Variants in ZNF141 observed in about 807,000 individuals in gnomAD.
ZNF141 encodes the protein zinc finger protein 141.
A neutral mutation model predicts 11.3 loss-of-function variants in ZNF141; 7 were observed. The ratio of observed to expected loss-of-function variants is 0.62; its 90% CI spans 0.35 to 1.16. The LOEUF (loss-of-function observed/expected upper bound fraction) is 1.16, where lower values mean the gene tolerates loss of function less well. Ranked by LOEUF, ZNF141 falls within the 50% of genes most tolerant of loss-of-function variation. ZNF141 has a pLI of 0.02. For synonymous variants in ZNF141, 183 were observed against 190.7 expected (o/e 0.96, Z 0.33); for missense variants, 535 against 554.0 (o/e 0.97, Z 0.34).
chr4:343,451 C>T (rs1354022351), intron 1 of ZNF141, among the ~76,000 whole-genome samples: 9 of 152,122 alleles, frequency 5.9e-5, no homozygotes, highest in African/African-American at 9.7e-5. Context: ...TTCGGCTGGG[C>T]GCAGTGGCTC....
At chr4:367,519 CTT>C (rs782804343) in intron 3 of ZNF141, among the ~76,000 whole-genome samples, 44 of 140,872 alleles carry the variant, frequency 3.1e-4, no homozygotes, top group Admixed American at 7.2e-4. Context: ...ACTTTACAAT[CTT>C]TTTTTTTTTT....
intron 1 of ZNF141, 160 bp downstream of exon 1, chr4:338,146 C>G (rs908431104): frequency 1.8e-5 from 16 of 896,072 alleles, no homozygotes; most frequent in Non-Finnish European, 2.6e-5. Context: ...CTGTCGGTCC[C>G]CGCACAGCGG....
At chr4:356,472 C>T (rs1054228882) in intron 3 of ZNF141, among the ~76,000 whole-genome samples, 7 of 151,632 alleles carry the variant, frequency 4.6e-5, no homozygotes. Context: ...ACTACAGGCG[C>T]GTGCCACCAC....
rs561091110 is a variant in ZNF141, at chr4:367,642, G to T, written c.227-5022G>T. Among the ~76,000 whole-genome samples, 3 of 151,610 alleles carry T rather than the reference G, an allele frequency of 2.0e-5. No homozygotes were observed. The South Asian group carries it at 6.3e-4, about 32-fold the overall frequency. On this transcript the variant is annotated intron_variant, in intron 3 of 3. Transcript: ENST00000240499. ...AGCGATTCTTCTGCCTCAGCCTCCTGAGTAGCTGGGATTACAGGTGCGCAC... is the reference window on the plus strand; with the variant it reads ...AGCGATTCTTCTGCCTCAGCCTCCTTAGTAGCTGGGATTACAGGTGCGCAC...
intron 3 of ZNF141, among the ~76,000 whole-genome samples, chr4:353,968 C>G (rs1440626840): frequency 6.6e-6 from 1 of 152,206 alleles, no homozygotes; most frequent in Non-Finnish European, 1.5e-5. Context: ...GACAAAGCTT[C>G]ACTCAGGAAT....
rs1224003689 is a variant in ZNF141, at chr4:376,077, CAT to C, written c.*2217_*2218del. Among the ~76,000 whole-genome samples, 1 of 151,968 alleles carries C rather than the reference CAT, an allele frequency of 6.6e-6. No individual in the cohort carries two copies. Among genetic ancestry groups the C allele is most frequent in the African/African-American group, 2.4e-5 (1 of 41,430 alleles). On this transcript the variant is annotated 3_prime_UTR_variant, in exon 4 of 4. Transcript: ENST00000240499. ...AAATTATTTTAAGATTATGTGGGAA[CAT>C]AATTTTTTAACTAAACAAAATTTTT...
At chr4:352,827 G>GT (rs1553850674) in intron 3 of ZNF141, among the ~76,000 whole-genome samples, 3 of 152,108 alleles carry the variant, frequency 2.0e-5, no homozygotes, top group African/African-American at 7.2e-5. Flanking sequence ...TCTGTGAGTA[G>GT]TTTTATCAAA....
intron 3 of ZNF141, among the ~76,000 whole-genome samples, chr4:362,933 A>C (rs1278569253): frequency 2.0e-5 from 3 of 152,192 alleles, no homozygotes; most frequent in Non-Finnish European, 4.4e-5. Flanking sequence ...TGGTAGCTTG[A>C]TGAGGATGGC....
In ZNF141 at chr4:383,279, C is replaced by A; in HGVS notation, c.*9417C>A. On this transcript the variant is annotated 3_prime_UTR_variant, in exon 4 of 4. Transcript: ENST00000240499. ...GCCCAGAAGAATGGCCCGGCTGAGCCCAGCCTAAATTTCTAACCAGCTCAA... is the reference window on the plus strand; with the variant it reads ...GCCCAGAAGAATGGCCCGGCTGAGCACAGCCTAAATTTCTAACCAGCTCAA... The A allele has an allele frequency of 1.6e-6, 1 of 626,538 alleles. No individual in the cohort carries two copies. Among genetic ancestry groups the A allele is most frequent in the Non-Finnish European group, 2.8e-6 (1 of 353,352 alleles). 38.8% of individuals were successfully genotyped at this position (626,538 alleles called of 1,614,324 possible).
At chr4:365,269 C>G (rs1429663618) in intron 3 of ZNF141, among the ~76,000 whole-genome samples, 1 of 152,212 alleles carries the variant, frequency 6.6e-6, no homozygotes, top group Non-Finnish European at 1.5e-5. Flanking sequence ...GGGAAATCCC[C>G]CAACCCCTTG....
intron 1 of ZNF141, 115 bp downstream of exon 1, chr4:338,101 G>T (rs1553847858): frequency 4.1e-6 from 6 of 1,452,792 alleles, no homozygotes; most frequent in Non-Finnish European, 5.7e-6. Flanking sequence ...CTCAGCCCTG[G>T]GGCCTCAGTA....
chr4:337,981 GA>G lies in ZNF141; in HGVS notation c.1del, dbSNP rs781823505. The stretch of plus-strand genomic sequence containing the variant: ...GACTCCCGAATACTTCAGAAGTGGG[GA>G]AATGGTGAGTGTGCGGGGCAGGGCG... On this transcript the variant is annotated 5_prime_UTR_variant, in exon 1 of 4. Coordinates refer to ENST00000240499, the MANE Select transcript of ZNF141 (RefSeq NM_003441.4). The G allele has an allele frequency of 1.9e-6, 3 of 1,613,442 alleles. No homozygotes were observed. The South Asian group carries it at 3.3e-5, about 18-fold the overall frequency.
chr4:352,714 T>A (rs1553850651), intron 3 of ZNF141, among the ~76,000 whole-genome samples: 1 of 152,226 alleles, frequency 6.6e-6, no homozygotes, highest in African/African-American at 2.4e-5. Context: ...CACCTCATCT[T>A]TTCCCCCACT....
Position 382,016 on chromosome 4 carries a change from G to A in ZNF141, c.*8154G>A, listed in dbSNP as rs1303660737. Among the ~76,000 whole-genome samples the A allele has an allele frequency of 6.7e-6, 1 of 148,472 alleles. No homozygotes were observed. The highest frequency in any genetic ancestry group is 1.5e-5 in the Non-Finnish European group (1 of 67,660). Reference sequence around the variant, plus strand: ...GCTGGAGTGCAGTGGCTCGATCTCGGCTCACTGCAAGCTCCACCTCCCAGG... The same window carrying A: ...GCTGGAGTGCAGTGGCTCGATCTCGACTCACTGCAAGCTCCACCTCCCAGG... On this transcript the variant is annotated 3_prime_UTR_variant, in exon 4 of 4. Transcript: ENST00000240499.
rs998690747 is a variant in ZNF141 at position 379,765 on chromosome 4, T to C, written c.*5903T>C. Among the ~76,000 whole-genome samples the C allele has an allele frequency of 1.3e-5, 2 of 152,238 alleles. No individual in the cohort carries two copies. Among genetic ancestry groups the C allele is most frequent in the African/African-American group, 4.8e-5 (2 of 41,460 alleles). On this transcript the variant is annotated 3_prime_UTR_variant, in exon 4 of 4. Transcript: ENST00000240499. ...ACAAAGATACTCATCATTTGCAACA[T>C]TATTCTGTAATTTTTAAAATATATT...
At chr4:359,807 CA>C (rs1221581254) in intron 3 of ZNF141, among the ~76,000 whole-genome samples, 1 of 152,136 alleles carries the variant, frequency 6.6e-6, no homozygotes. Flanking sequence ...AGCCTACATC[CA>C]GGGGCAGAGA....
rs139678664 is a variant in ZNF141 at position 347,120 on chromosome 4, C to T, written c.226+2690C>T. 3.8e-3 allele frequency among the ~76,000 whole-genome samples: 570 copies of T among 151,042 alleles called. 5 individuals carry two copies. The highest frequency in any genetic ancestry group is 0.013 in the African/African-American group (529 of 41,036). Reference sequence around the variant, plus strand: ...TGGCACGCTGTTGGCTCACCACAGCCTCTGGGTCCTGGGTTCAAGCAATTC... The same window carrying T: ...TGGCACGCTGTTGGCTCACCACAGCTTCTGGGTCCTGGGTTCAAGCAATTC... On this transcript the variant is annotated intron_variant, in intron 3 of 3. Transcript: ENST00000240499.
intron 1 of ZNF141, among the ~76,000 whole-genome samples, chr4:339,532 C>A (rs1720952529): frequency 6.6e-6 from 1 of 152,240 alleles, no homozygotes; most frequent in Admixed American, 6.5e-5. Context: ...TGCCTTTAGA[C>A]CTGCCTGTTG....
chr4:369,988 ATC>A (rs1416363849), intron 3 of ZNF141, among the ~76,000 whole-genome samples: 1 of 151,288 alleles, frequency 6.6e-6, no homozygotes, highest in African/African-American at 2.4e-5. Flanking sequence ...GATGATCTCG[ATC>A]TCCTGACCTC....
Sources: gnomAD v4.1 joint callset for allele counts (sites outside exome capture counted in the v4.1 genomes callset) on GRCh38, gnomAD v4.1.1 for gene constraint, MANE v1.5 for transcripts, NCBI Gene and HGNC (gene_info 2026-07-23, HGNC 2026-07-21) for gene names.